Variants in DENND11 observed in about 807,000 individuals in gnomAD.
DENND11 encodes DENN domain containing 11.
DENND11 carries 34 observed loss-of-function variants against 49.2 expected under a neutral mutation model. That is an observed-to-expected ratio of 0.69 (90% CI 0.53 to 0.92). The LOEUF is 0.92. DENND11 is among the 40% of genes least tolerant of loss of function. The pLI is 0.00. For synonymous variants in DENND11, 238 were observed against 230.3 expected (o/e 1.03, Z -0.30); for missense variants, 475 against 581.6 (o/e 0.82, Z 1.88).
At chr7:141,665,345 G>A (rs116796942) in intron 5 of DENND11, 27 bp from the exon 6 acceptor site, 2 of 1,613,138 alleles carry the variant, frequency 1.2e-6, no homozygotes, top group South Asian at 2.2e-5. Flanking sequence ...GGTGAGCGGG[G>A]AGGGTCTGCC....
intron 3 of DENND11, among the ~76,000 whole-genome samples, chr7:141,684,229 T>TA (rs1458974537): frequency 1.3e-5 from 2 of 152,154 alleles, no homozygotes; most frequent in African/African-American, 4.8e-5. Flanking sequence ...GAGCCACCAT[T>TA]CCTGATCAAT....
In DENND11 at chr7:141,657,527, TG is replaced by T. The variant is rs892953263; in HGVS notation, c.*5128del. 2 of 152,590 alleles carry T rather than the reference TG, an allele frequency of 1.3e-5. No homozygotes were observed. Among genetic ancestry groups the T allele is most frequent in the African/African-American group, 4.8e-5 (2 of 41,578 alleles). 9.5% of individuals were successfully genotyped at this position (152,590 alleles called of 1,614,324 possible). On this transcript the variant is annotated 3_prime_UTR_variant, in exon 9 of 9. Transcript: ENST00000536163. Reference sequence around the variant, plus strand: ...GACTGTTCACTTTGTGGATCATCTCTGGCTCATTTAAAACATCCTGCCTCAT... The same window carrying T: ...GACTGTTCACTTTGTGGATCATCTCTGCTCATTTAAAACATCCTGCCTCAT...
chr7:141,671,732 C>A (rs1360508978), intron 4 of DENND11, among the ~76,000 whole-genome samples: 1 of 152,028 alleles, frequency 6.6e-6, no homozygotes, highest in Non-Finnish European at 1.5e-5. Context: ...GGAGATAATT[C>A]CAACAGAAAT....
At position 141,666,417 on chromosome 7, in the gene DENND11, G is replaced by A. The variant is rs1331859229; in HGVS notation, c.690C>T (p.His230=). Reference sequence around the variant, plus strand: ...TAAACTGAGACATGCAGCCAGCTGGGTGTGTGATCTGAAAAAATTGAGGGG... The same window carrying A: ...TAAACTGAGACATGCAGCCAGCTGGATGTGTGATCTGAAAAAATTGAGGGG... ...RYMYPEMKIT[H]PAGCMSQFIK... The change falls in exon 5 of 9, where the codon CAC becomes CAT. Residue 230 remains histidine (H), a synonymous_variant. Transcript: ENST00000536163. 1 of 1,601,980 alleles carries A rather than the reference G, an allele frequency of 6.2e-7. No homozygotes were observed. The highest frequency in any genetic ancestry group is 2.2e-5 in the East Asian group (1 of 44,540).
At chr7:141,671,783 C>T (rs1244620758) in intron 4 of DENND11, among the ~76,000 whole-genome samples, 1 of 152,154 alleles carries the variant, frequency 6.6e-6, no homozygotes, top group Non-Finnish European at 1.5e-5. Flanking sequence ...TATGAGCAGA[C>T]AGAAAGAGAA....
chr7:141,690,564 A>C (rs1798311427), intron 1 of DENND11, among the ~76,000 whole-genome samples: 1 of 152,170 alleles, frequency 6.6e-6, no homozygotes, highest in Non-Finnish European at 1.5e-5. Context: ...TGTATCTCCT[A>C]GTTTTTCGGT....
intron 3 of DENND11, among the ~76,000 whole-genome samples, chr7:141,676,744 ATAAGT>A (rs1174378288): frequency 6.6e-6 from 1 of 152,236 alleles, no homozygotes; most frequent in African/African-American, 2.4e-5. Context: ...GTGCTGGATG[ATAAGT>A]TAGTCTTCAA....
rs200809072 is a variant in DENND11 at position 141,662,700 on chromosome 7, C to G, written c.1324G>C (p.Gly442Arg). The G allele has an allele frequency of 1.1e-3, 1,740 of 1,608,600 alleles. 1 individual carries two copies. The highest frequency in any genetic ancestry group is 1.3e-3 in the Non-Finnish European group (1,572 of 1,177,796). The change falls in exon 9 of 9, where the codon GGC becomes CGC. Residue 442 changes from glycine (G) to arginine (R), a missense_variant. By Grantham distance (125) the Gly-to-Arg change is moderately radical. Transcript: ENST00000536163. ...TCGATAACCAGCATGACATCAATGC[C>G]ATAGGCCTCCAGCAGGTCCAGGAGA... ...SFLLDLLEAY[G>R]IDVMLVIDNP...
chr7:141,682,802 A>G (rs550883966), intron 3 of DENND11, among the ~76,000 whole-genome samples: 8 of 152,334 alleles, frequency 5.3e-5, no homozygotes, highest in Admixed American at 2.0e-4. Flanking sequence ...ATCCAATATA[A>G]TACCACCTTA....
chr7:141,667,980 A>G (rs2117054611), intron 4 of DENND11, among the ~76,000 whole-genome samples: 1 of 152,346 alleles, frequency 6.6e-6, no homozygotes, highest in Middle Eastern at 3.4e-3. Context: ...GCATCCCTCC[A>G]ATCGCTATTT....
At position 141,657,118 on chromosome 7, in the gene DENND11, C is replaced by G. The variant is rs1028387324; in HGVS notation, c.*5538G>C. ...CAAAATAGGATTTTTACATTTAAGGCGACAGGGAGGCTATGCTGATTCTAA... is the reference window on the plus strand; with the variant it reads ...CAAAATAGGATTTTTACATTTAAGGGGACAGGGAGGCTATGCTGATTCTAA... On this transcript the variant is annotated 3_prime_UTR_variant, in exon 9 of 9. Coordinates refer to ENST00000536163, the MANE Select transcript of DENND11 (RefSeq NM_001080392.2). The G allele has an allele frequency of 2.0e-5, 3 of 152,566 alleles. No homozygotes were observed. The highest frequency in any genetic ancestry group is 4.4e-5 in the Non-Finnish European group (3 of 68,026). 9.5% of individuals were successfully genotyped at this position (152,566 alleles called of 1,614,324 possible).
intron 3 of DENND11, among the ~76,000 whole-genome samples, 155 bp downstream of exon 3, chr7:141,685,323 G>A (rs1017117022): frequency 7.2e-5 from 11 of 152,108 alleles, no homozygotes; most frequent in South Asian, 2.1e-4. Context: ...TGGCTGAAAC[G>A]AAAGGACACC....
At chr7:141,666,785 A>G (rs1348425969) in intron 4 of DENND11, among the ~76,000 whole-genome samples, 1 of 152,252 alleles carries the variant, frequency 6.6e-6, no homozygotes, top group Non-Finnish European at 1.5e-5. Context: ...CTGTTAAGTA[A>G]TAACATGATG....
chr7:141,672,117 G>A (rs138863973), intron 4 of DENND11, among the ~76,000 whole-genome samples: 14 of 152,312 alleles, frequency 9.2e-5, no homozygotes, highest in Non-Finnish European at 1.6e-4. Flanking sequence ...GCACAGATGC[G>A]CAGTGCCTCC....
intron 4 of DENND11, among the ~76,000 whole-genome samples, chr7:141,670,085 C>T (rs1797956739): frequency 6.6e-6 from 1 of 150,958 alleles, no homozygotes; most frequent in South Asian, 2.1e-4. Context: ...GCTGGGATTA[C>T]AGGCGTGAGC....
At chr7:141,666,857 T>C (rs942209425) in intron 4 of DENND11, among the ~76,000 whole-genome samples, 2 of 152,184 alleles carry the variant, frequency 1.3e-5, no homozygotes, top group Non-Finnish European at 2.9e-5. Context: ...AAGTGAGGTG[T>C]CTGCAGAAGT....
intron 2 of DENND11, among the ~76,000 whole-genome samples, chr7:141,685,842 T>TG (rs1481550140): frequency 3.9e-5 from 6 of 152,198 alleles, no homozygotes; most frequent in African/African-American, 1.4e-4. Context: ...GAGCTGGGAC[T>TG]TAGTCCGTGG....
chr7:141,665,378 G>T (rs1797878039), intron 5 of DENND11, 60 bp from the exon 6 acceptor site: 2 of 1,598,338 alleles, frequency 1.3e-6, no homozygotes, highest in Admixed American at 3.4e-5. Context: ...TTCCTCCCTC[G>T]GAGCCTGCGG....
At position 141,662,112 on chromosome 7, in the gene DENND11, T is replaced by C. The variant is rs1474306944; in HGVS notation, c.*544A>G. 3 of 152,488 alleles carry C rather than the reference T, an allele frequency of 2.0e-5. No individual in the cohort carries two copies. Among genetic ancestry groups the C allele is most frequent in the African/African-American group, 7.2e-5 (3 of 41,466 alleles). The allele number at this position is 152,488 out of a possible 1,614,324, so 9.4% of individuals were successfully genotyped here. A position where few individuals can be genotyped will look rare whatever the true frequency, so the allele number is the denominator to read the frequency against. The stretch of plus-strand genomic sequence containing the variant: ...TGTCAGAAACATCCTTTTTTCCCTC[T>C]TTGTGGTCCCTACTCAAGTAAACAG... On this transcript the variant is annotated 3_prime_UTR_variant, in exon 9 of 9. Transcript: ENST00000536163.
Sources: allele counts gnomAD v4.1 joint callset (sites outside exome capture counted in the v4.1 genomes callset), GRCh38; gene constraint gnomAD v4.1.1; transcripts MANE v1.5; gene names NCBI Gene and HGNC (gene_info 2026-07-23, HGNC 2026-07-21).